The following CHRDL2 variants were observed in gnomAD, a reference collection of about 807,000 sequenced individuals.
CHRDL2 encodes the protein chordin like 2.
Under a neutral mutation model 54.3 loss-of-function variants are expected in CHRDL2, and 41 were observed. That is an observed-to-expected ratio of 0.76 (90% CI 0.59 to 0.98). The LOEUF is 0.98. Ranked by LOEUF, CHRDL2 falls within the 50% of genes least tolerant of loss-of-function variation. CHRDL2 has a pLI of 0.00. For synonymous variants in CHRDL2, 220 were observed against 224.3 expected, an observed-to-expected ratio of 0.98 and a Z score of 0.17; for missense variants, 518 against 562.4, an observed-to-expected ratio of 0.92 and a Z score of 0.80.
intron 1 of CHRDL2, among the ~76,000 whole-genome samples, chr11:74,721,873 G>A (rs2034505567): frequency 1.3e-5 from 2 of 152,218 alleles, no homozygotes; most frequent in South Asian, 4.1e-4. Context: ...TTCAACATTT[G>A]AAGACTCCAA....
chr11:74,702,682 G>T, intron 9 of CHRDL2, 112 bp downstream of exon 9: 1 of 1,053,572 alleles, frequency 9.5e-7, no homozygotes. Context: ...ACCTGGCGGG[G>T]CAGCCAGAGG....
At chr11:74,700,450 C>T (rs1197213277) in intron 9 of CHRDL2, among the ~76,000 whole-genome samples, 5 of 152,056 alleles carry the variant, frequency 3.3e-5, no homozygotes, top group African/African-American at 7.2e-5. Flanking sequence ...CCTTCCCTGA[C>T]CAGCTCAGCT....
chr11:74,708,988 G>A (rs962198961), intron 4 of CHRDL2, among the ~76,000 whole-genome samples: 1 of 152,218 alleles, frequency 6.6e-6, no homozygotes, highest in Admixed American at 6.5e-5. Context: ...CCCATTTGGG[G>A]TGTGAAGATC....
intron 1 of CHRDL2, chr11:74,719,380 G>GTA (rs1181414687): frequency 9.4e-5 from 3 of 31,904 alleles, no homozygotes; most frequent in Non-Finnish European, 1.6e-4. Context: ...CCCCTCCCCT[G>GTA]TACACACACA....
intron 3 of CHRDL2, 132 bp from the exon 4 acceptor site, chr11:74,711,123 G>T: frequency 9.5e-7 from 1 of 1,047,672 alleles, no homozygotes; most frequent in Non-Finnish European, 1.4e-6. Flanking sequence ...GCTCTGGCCT[G>T]GGCCTTGCCA....
At chr11:74,709,785 T>A (rs575412290) in intron 4 of CHRDL2, among the ~76,000 whole-genome samples, 1 of 152,258 alleles carries the variant, frequency 6.6e-6, no homozygotes, top group South Asian at 2.1e-4. Flanking sequence ...GGAGAGAACA[T>A]TAATGATCAC....
At chr11:74,707,481 T>C (rs549568114) in intron 5 of CHRDL2, among the ~76,000 whole-genome samples, 2 of 152,308 alleles carry the variant, frequency 1.3e-5, no homozygotes, top group East Asian at 3.9e-4. Context: ...GCTGATGTGT[T>C]GCCTCCCTGC....
intron 1 of CHRDL2, among the ~76,000 whole-genome samples, chr11:74,720,910 C>T (rs1200239814): frequency 6.6e-6 from 1 of 152,244 alleles, no homozygotes; most frequent in African/African-American, 2.4e-5. Flanking sequence ...TGCTCCTGCT[C>T]TGCCCTCTTG....
At position 74,722,618 on chromosome 11, in the gene CHRDL2, T is replaced by G. The variant is rs142946473; in HGVS notation, c.83-3786A>C. Reference sequence around the variant, plus strand: ...TAGTTTGTTTCCTGTGGTGTTTCTTTGACTCCCAGAGCTCTCTGTGGTCAT... The same window carrying G: ...TAGTTTGTTTCCTGTGGTGTTTCTTGGACTCCCAGAGCTCTCTGTGGTCAT... On this transcript the variant is annotated intron_variant, in intron 1 of 10. Transcript: ENST00000376332. 1.4e-3 allele frequency among the ~76,000 whole-genome samples: 216 copies of G among 152,226 alleles called. 1 individual carries two copies. Among genetic ancestry groups the G allele is most frequent in the African/African-American group, 5.1e-3 (211 of 41,534 alleles).
intron 4 of CHRDL2, among the ~76,000 whole-genome samples, chr11:74,710,646 AG>A (rs2034158535): frequency 6.6e-6 from 1 of 152,236 alleles, no homozygotes; most frequent in Non-Finnish European, 1.5e-5. Flanking sequence ...CAGAAGGCTC[AG>A]GAAGGTGTGG....
At chr11:74,701,691 G>A (rs772224719) in intron 9 of CHRDL2, 2 of 682,910 alleles carry the variant, frequency 2.9e-6, no homozygotes, top group Non-Finnish European at 2.7e-6. Context: ...GATCGTTGAG[G>A]ATCAAATGAG....
chr11:74,701,659 G>A (rs1565147763), intron 9 of CHRDL2: 4 of 713,170 alleles, frequency 5.6e-6, no homozygotes, highest in Non-Finnish European at 1.0e-5. Context: ...GTAAAATGGG[G>A]ATAATAATAT....
chr11:74,707,222 AG>A lies in CHRDL2; in HGVS notation c.527-681del, dbSNP rs1020777920. On this transcript the variant is annotated intron_variant, in intron 5 of 10. Coordinates refer to ENST00000376332, the MANE Select transcript of CHRDL2 (RefSeq NM_001278473.3). ...GGAATTAGACTGTGTTAGAAATCAC[AG>A]GGCACAACTGAGGCCCAGAGAAGGG... Among the ~76,000 whole-genome samples the A allele has an allele frequency of 3.9e-5, 6 of 152,342 alleles. No individual in the cohort carries two copies. In the South Asian group the frequency reaches 1.2e-3, roughly 32 times the overall value.
At position 74,708,333 on chromosome 11, in the gene CHRDL2, C is replaced by T. The variant is rs7948433; in HGVS notation, c.495G>A (p.Pro165=). The T allele has an allele frequency of 0.38, 596,142 of 1,574,596 alleles. 119,040 individuals carry two copies. The highest frequency in any genetic ancestry group is 0.58 in the Admixed American group (30,684 of 52,950). ...AGGCCTGGCAGCAGGAGTCTGGCAG[C>T]GGGAGGGGTGCTGGGCAGCCTGGTT... ...CPEPGCPAPL[P]LPDSCCQACK... The change falls in exon 5 of 11, where the codon CCG becomes CCA. Residue 165 remains proline (P), a synonymous_variant. Transcript: ENST00000376332.
chr11:74,722,540 C>A (rs1357780077), intron 1 of CHRDL2, among the ~76,000 whole-genome samples: 1 of 148,262 alleles, frequency 6.7e-6, no homozygotes, highest in Non-Finnish European at 1.5e-5. Flanking sequence ...ATATGCTCAA[C>A]TAAATAGGTT....
intron 9 of CHRDL2, chr11:74,701,532 A>T (rs1392809244): frequency 5.6e-6 from 4 of 709,708 alleles, no homozygotes. Flanking sequence ...AGAGTAGAGC[A>T]GGGAAAGAGC....
In CHRDL2 at chr11:74,697,186, C is replaced by T. The variant is rs1223222407; in HGVS notation, c.1213+19G>A. The T allele has an allele frequency of 3.1e-6, 5 of 1,603,370 alleles. No individual in the cohort carries two copies. The highest frequency in any genetic ancestry group is 2.2e-5 in the South Asian group (2 of 90,830). On this transcript the variant is annotated intron_variant, in intron 10 of 10. Coordinates refer to ENST00000376332, the MANE Select transcript of CHRDL2 (RefSeq NM_001278473.3). The stretch of plus-strand genomic sequence containing the variant: ...GCCTTCTTCCTGCCCCGGCCCCATT[C>T]CTCAGCCCAAGCTCCTACCTTCGTG...
chr11:74,704,535 T>A lies in CHRDL2; in HGVS notation c.702A>T (p.Gly234=). Residue 234 remains glycine, a synonymous_variant, in exon 7 of 11, where the codon GGA becomes GGT. Transcript: ENST00000376332. ...CGATCTTGACAGTTGTGCTGCCTGC[T>A]CCCTTGGGTCTGAAGTGGCGAGGGA... ...SFIPRHFRPK[G]AGSTTVKIVL... 1 of 1,583,854 alleles carries A rather than the reference T, an allele frequency of 6.3e-7. No homozygotes were observed. The highest frequency in any genetic ancestry group is 8.6e-7 in the Non-Finnish European group (1 of 1,168,794).
Position 74,706,636 on chromosome 11 carries a change from C to G in CHRDL2, c.527-94G>C, listed in dbSNP as rs1591355691. On this transcript the variant is annotated intron_variant, in intron 5 of 10. Transcript: ENST00000376332. The stretch of plus-strand genomic sequence containing the variant: ...TCCACCTATAGGCTCTGTCCATTCC[C>G]AAGGCCTGCTGTCCCATCTGCAGCC... The G allele has an allele frequency of 2.5e-6, 3 of 1,206,634 alleles. No individual in the cohort carries two copies. The African/African-American group carries it at 4.5e-5, about 18-fold the overall frequency. 74.7% of individuals were successfully genotyped at this position (1,206,634 alleles called of 1,614,324 possible). A position where few individuals can be genotyped will look rare whatever the true frequency, so the allele number is the denominator to read the frequency against.
Sources: gnomAD v4.1 joint callset for allele counts (sites outside exome capture counted in the v4.1 genomes callset) on GRCh38, gnomAD v4.1.1 for gene constraint, MANE v1.5 for transcripts, NCBI Gene and HGNC (gene_info 2026-07-23, HGNC 2026-07-21) for gene names.